ZNF131: variants seen among roughly 807,000 people sequenced by gnomAD.
ZNF131 encodes the protein zinc finger and BTB domain containing 35, also known as zinc finger protein 131.
Under a neutral mutation model 60.0 loss-of-function variants are expected in ZNF131, and 7 were observed. The observed-to-expected ratio is 0.12, with a 90% CI of 0.07 to 0.22. ZNF131 has a LOEUF of 0.22. ZNF131 is among the 10% of genes least tolerant of loss of function. The probability of loss-of-function intolerance (pLI) is 1.00; values close to 1 mark genes in which losing one functional copy is unlikely to be tolerated. For missense variants in ZNF131, 493 were observed against 740.9 expected (o/e 0.67, Z 3.88); for synonymous variants, 257 against 253.2 (o/e 1.01, Z -0.14).
intron 4 of ZNF131, among the ~76,000 whole-genome samples, chr5:43,144,228 T>C (rs1174331696): frequency 8.1e-6 from 1 of 123,618 alleles, no homozygotes; most frequent in Non-Finnish European, 1.7e-5. Flanking sequence ...GGCCTTTTTT[T>C]CTTTCTTTCT....
At chr5:43,134,693 CTTTTTTTTT>C (rs149464238) in intron 3 of ZNF131, among the ~76,000 whole-genome samples, 2 of 88,414 alleles carry the variant, frequency 2.3e-5, no homozygotes, top group Admixed American at 1.7e-4. Context: ...TTCTTTTTTT[CTTTTTTTTT>C]TTTTTTTTTT....
chr5:43,135,003 T>A (rs1449674527), intron 3 of ZNF131, among the ~76,000 whole-genome samples: 3 of 149,470 alleles, frequency 2.0e-5, no homozygotes, highest in South Asian at 2.1e-4. Flanking sequence ...GGCCATCAGT[T>A]ACATTTTTTT....
At chr5:43,134,070 C>CA (rs1561396641) in intron 3 of ZNF131, among the ~76,000 whole-genome samples, 1 of 151,956 alleles carries the variant, frequency 6.6e-6, no homozygotes, top group African/African-American at 2.4e-5. Flanking sequence ...AGACAGGCCA[C>CA]AAAAAAGAAA....
chr5:43,170,929 C>T (rs1039509567), intron 5 of ZNF131, among the ~76,000 whole-genome samples: 25 of 150,738 alleles, frequency 1.7e-4, no homozygotes, highest in African/African-American at 5.4e-4. Context: ...TGACTGCACC[C>T]GGCGATTTTT....
intron 4 of ZNF131, among the ~76,000 whole-genome samples, chr5:43,140,711 A>AATTTT (rs1298504751): frequency 1.6e-4 from 24 of 151,968 alleles, no homozygotes; most frequent in Non-Finnish European, 1.3e-4. Context: ...ACTCTACTGG[A>AATTTT]ATTTTATTTT....
rs527815065 is a variant in ZNF131, at chr5:43,154,128, A to G, written c.372-7121A>G. On this transcript the variant is annotated intron_variant, in intron 4 of 6. Coordinates refer to ENST00000682664, the MANE Select transcript of ZNF131 (RefSeq NM_001330707.2). ...CAGTGTAACCTAAAGAAGTGTCAGC[A>G]TGGTGGGGCGGGGTGGCTCACACCT... Among the ~76,000 whole-genome samples, 16 of 152,218 alleles carry G rather than the reference A, an allele frequency of 1.1e-4. No individual in the cohort carries two copies. In the East Asian group the frequency reaches 2.9e-3, roughly 28 times the overall value.
intron 6 of ZNF131, 138 bp downstream of exon 6, chr5:43,173,586 T>C (rs1329525902): frequency 1.7e-6 from 2 of 1,145,936 alleles, no homozygotes; most frequent in Non-Finnish European, 2.3e-6. Flanking sequence ...AGAACATTAT[T>C]GTCTTGGGGA....
intron 5 of ZNF131, among the ~76,000 whole-genome samples, chr5:43,162,818 T>TA (rs1749872687): frequency 3.4e-5 from 5 of 147,230 alleles, no homozygotes; most frequent in African/African-American, 1.3e-4. Context: ...GGCCGGAGAA[T>TA]TGCTTGAACC....
chr5:43,173,999 G>A (rs1413764003), intron 6 of ZNF131, among the ~76,000 whole-genome samples: 3 of 152,094 alleles, frequency 2.0e-5, no homozygotes, highest in East Asian at 1.9e-4. Context: ...AGGCCGAGGC[G>A]GGTGGATTGC....
chr5:43,158,149 G>A (rs112948883), intron 4 of ZNF131, among the ~76,000 whole-genome samples: 27,080 of 152,136 alleles, frequency 0.18, 2,845 homozygotes, highest in Middle Eastern at 0.34. Context: ...TGTATTTTTA[G>A]TAGAGACAGG....
intron 5 of ZNF131, chr5:43,168,111 A>T (rs1256287373): frequency 2.9e-6 from 1 of 344,012 alleles, no homozygotes; most frequent in African/African-American, 2.1e-5. Flanking sequence ...ATAACCCATT[A>T]ATTCATTGAT....
At chr5:43,168,064 T>C in intron 5 of ZNF131, 1 of 404,212 alleles carries the variant, frequency 2.5e-6, no homozygotes, top group Non-Finnish European at 5.0e-6. Flanking sequence ...CAGGTTTCTC[T>C]TACTCTTCTT....
At position 43,175,198 on chromosome 5, in the gene ZNF131, ACTGT is replaced by A. The variant is rs973310325; in HGVS notation, c.*67_*70del. 193 of 1,446,000 alleles carry A rather than the reference ACTGT, an allele frequency of 1.3e-4. 1 individual carries two copies. The African/African-American group carries it at 2.4e-3, about 18-fold the overall frequency. 89.6% of individuals were successfully genotyped at this position (1,446,000 alleles called of 1,614,324 possible). A position where few individuals can be genotyped will look rare whatever the true frequency, so the allele number is the denominator to read the frequency against. On this transcript the variant is annotated 3_prime_UTR_variant, in exon 7 of 7. Coordinates refer to ENST00000682664, the MANE Select transcript of ZNF131 (RefSeq NM_001330707.2). Reference sequence around the variant, plus strand: ...TTTTGAACTGATTATGGGCAGTTTGACTGTCCTTAATTAAGCCTAACAGACAAGT... The same window carrying A: ...TTTTGAACTGATTATGGGCAGTTTGACCTTAATTAAGCCTAACAGACAAGT...
At chr5:43,140,074 G>C (rs1483634344) in intron 4 of ZNF131, among the ~76,000 whole-genome samples, 1 of 150,938 alleles carries the variant, frequency 6.6e-6, no homozygotes, top group Non-Finnish European at 1.5e-5. Context: ...AAATTAGCTG[G>C]GCATGGTAGT....
intron 3 of ZNF131, among the ~76,000 whole-genome samples, chr5:43,136,238 T>C (rs887519267): frequency 2.6e-5 from 4 of 152,324 alleles, no homozygotes; most frequent in South Asian, 2.1e-4. Flanking sequence ...GTGTCAAGTA[T>C]AATGCAAATA....
chr5:43,162,269 G>A (rs912757771), intron 5 of ZNF131, among the ~76,000 whole-genome samples: 8 of 152,154 alleles, frequency 5.3e-5, no homozygotes, highest in Admixed American at 3.3e-4. Context: ...TACATTTCTT[G>A]TGTCGTGTTA....
intron 5 of ZNF131, among the ~76,000 whole-genome samples, chr5:43,168,798 G>GA (rs1406730048): frequency 2.6e-5 from 4 of 152,146 alleles, no homozygotes; most frequent in Non-Finnish European, 5.9e-5. Flanking sequence ...TAGCGGAAAA[G>GA]AGAGATTTGA....
intron 3 of ZNF131, among the ~76,000 whole-genome samples, chr5:43,137,419 T>C (rs1018983315): frequency 6.6e-6 from 1 of 152,116 alleles, no homozygotes; most frequent in Non-Finnish European, 1.5e-5. Flanking sequence ...AAATTAAAAA[T>C]GTTTTTTTAA....
intron 3 of ZNF131, among the ~76,000 whole-genome samples, chr5:43,135,029 G>C (rs1272635044): frequency 1.6e-5 from 2 of 124,474 alleles, no homozygotes; most frequent in African/African-American, 6.2e-5. Context: ...ACTGAGTTTT[G>C]CTCTTGTTGC....
Sources: gnomAD v4.1 joint callset for allele counts (sites outside exome capture counted in the v4.1 genomes callset) on GRCh38, gnomAD v4.1.1 for gene constraint, MANE v1.5 for transcripts, NCBI Gene and HGNC (gene_info 2026-07-23, HGNC 2026-07-21) for gene names.